The following PGBD5 variants were observed in gnomAD, a reference collection of about 807,000 sequenced individuals.
PGBD5 encodes the protein piggyBac transposable element-derived protein 5.
A neutral mutation model predicts 47.9 loss-of-function variants in PGBD5; 14 were observed. The ratio of observed to expected loss-of-function variants is 0.29; its 90% CI spans 0.19 to 0.46. The LOEUF (loss-of-function observed/expected upper bound fraction) is 0.46, where lower values mean the gene tolerates loss of function less well. PGBD5 is among the 20% of genes least tolerant of loss of function. The pLI is 1.00. For synonymous variants in PGBD5, 316 were observed against 306.3 expected (o/e 1.03, Z -0.33); for missense variants, 635 against 716.0 (o/e 0.89, Z 1.29).
At position 230,367,974 on chromosome 1, in the gene PGBD5, A is replaced by C. The variant is rs74143202; in HGVS notation, c.332-10653T>G. On this transcript the variant is annotated intron_variant, in intron 1 of 6. Coordinates refer to ENST00000391860, the MANE Select transcript of PGBD5 (RefSeq NM_001258311.2). Reference sequence around the variant, plus strand: ...ACACCAAGGAGCTCAAGGTCCTGCAAGCTGGACACCAAGGAGCTGGGGGTT... The same window carrying C: ...ACACCAAGGAGCTCAAGGTCCTGCACGCTGGACACCAAGGAGCTGGGGGTT... 0.016 allele frequency: 21,327 copies of C among 1,367,056 alleles called. 2,576 individuals are homozygous for C. The African/African-American group carries it at 0.27, about 17-fold the overall frequency. 84.7% of individuals were successfully genotyped at this position (1,367,056 alleles called of 1,614,324 possible). A position where few individuals can be genotyped will look rare whatever the true frequency, so the allele number is the denominator to read the frequency against.
intron 1 of PGBD5, among the ~76,000 whole-genome samples, chr1:230,421,425 C>G (rs1430146663): frequency 6.6e-6 from 1 of 152,166 alleles, no homozygotes; most frequent in Non-Finnish European, 1.5e-5. Context: ...TTGAGTCTGA[C>G]TAGTTAGATG....
intron 3 of PGBD5, among the ~76,000 whole-genome samples, chr1:230,347,376 G>T (rs1667490249): frequency 6.6e-6 from 1 of 152,142 alleles, no homozygotes; most frequent in Non-Finnish European, 1.5e-5. Context: ...AAGCCCAGCA[G>T]GCTGGGCGCC....
Position 230,383,009 on chromosome 1 carries a change from C to T in PGBD5, c.332-25688G>A, listed in dbSNP as rs75002551. ...TCCGGGCAATGGTTCTCTGCCATCT[C>T]GCTATTTATTTTCCCTGCCATCTCG... On this transcript the variant is annotated intron_variant, in intron 1 of 6. Transcript: ENST00000391860. Among the ~76,000 whole-genome samples, 280 of 152,240 alleles carry T rather than the reference C, an allele frequency of 1.8e-3. 3 individuals carry two copies. The East Asian group carries it at 0.045, about 24-fold the overall frequency.
intron 1 of PGBD5, among the ~76,000 whole-genome samples, chr1:230,371,106 G>C (rs828443): frequency 0.72 from 109,300 of 152,104 alleles, 39,704 homozygotes; most frequent in African/African-American, 0.75. Flanking sequence ...CTCAGCTCCC[G>C]AAGACTTCTG....
intron 3 of PGBD5, among the ~76,000 whole-genome samples, chr1:230,348,702 G>A (rs559997627): frequency 3.0e-4 from 46 of 152,336 alleles, no homozygotes; most frequent in Non-Finnish European, 2.6e-4. Context: ...GCTCCTCTAC[G>A]TCTCCTGGCC....
chr1:230,396,267 T>TTTTACCCCCACACTCTTCCC (rs1656966597), intron 1 of PGBD5, among the ~76,000 whole-genome samples: 1 of 5,446 alleles, frequency 1.8e-4, no homozygotes, highest in Non-Finnish European at 3.5e-4. Context: ...ACACTCCTCC[T>TTTTACCCCCACACTCTTCCC]TTTTACCCCC....
At chr1:230,391,581 A>G (rs575102363) in intron 1 of PGBD5, among the ~76,000 whole-genome samples, 2 of 152,232 alleles carry the variant, frequency 1.3e-5, no homozygotes, top group African/African-American at 4.8e-5. Context: ...TCCTCCTCAC[A>G]CCTTAAGACC....
intron 1 of PGBD5, among the ~76,000 whole-genome samples, chr1:230,411,892 A>G (rs1311031421): frequency 2.0e-5 from 3 of 152,350 alleles, no homozygotes; most frequent in African/African-American, 7.2e-5. Context: ...CTAAAAAGGC[A>G]TTTAATAAAA....
intron 1 of PGBD5, among the ~76,000 whole-genome samples, chr1:230,402,049 G>C (rs774847988): frequency 5.6e-4 from 85 of 152,188 alleles, no homozygotes; most frequent in Non-Finnish European, 1.1e-3. Flanking sequence ...TGACAGGGAG[G>C]GGGAGAGAAG....
At chr1:230,359,855 A>T (rs940617723) in intron 1 of PGBD5, among the ~76,000 whole-genome samples, 11 of 152,228 alleles carry the variant, frequency 7.2e-5, no homozygotes, top group African/African-American at 2.7e-4. Flanking sequence ...CTGGAGGGTA[A>T]AGTGGCACCA....
At chr1:230,368,198 AG>A in intron 1 of PGBD5, 1 of 1,332,192 alleles carries the variant, frequency 7.5e-7, no homozygotes, top group South Asian at 1.2e-5. Flanking sequence ...GATGGATAAA[AG>A]CTGAAAGCTG....
Position 230,325,308 on chromosome 1 carries a change from A to C in PGBD5, c.1379+2T>G. 6.2e-7 allele frequency: 1 copy of C among 1,609,770 alleles called. No homozygotes were observed. The highest frequency in any genetic ancestry group is 8.5e-7 in the Non-Finnish European group (1 of 1,177,442). On this transcript the variant is annotated splice_donor_variant, in intron 6 of 6. Coordinates refer to ENST00000391860, the MANE Select transcript of PGBD5 (RefSeq NM_001258311.2). LOFTEE classifies it high-confidence loss of function. ...CTGTCATGGAGGTGCCCAGCCACTT[A>C]CTTGCTGTATTTGTCATCGTATCTG...
At chr1:230,352,956 A>C (rs1667580643) in intron 2 of PGBD5, among the ~76,000 whole-genome samples, 1 of 152,200 alleles carries the variant, frequency 6.6e-6, no homozygotes, top group Admixed American at 6.5e-5. Context: ...CATTCTCTTC[A>C]GAAAGAAAGT....
intron 1 of PGBD5, among the ~76,000 whole-genome samples, chr1:230,409,800 C>T (rs181301135): frequency 2.6e-4 from 38 of 148,468 alleles, no homozygotes; most frequent in African/African-American, 9.4e-4. Flanking sequence ...AAAGCTGTTA[C>T]TAAAAAAATG....
intron 1 of PGBD5, among the ~76,000 whole-genome samples, chr1:230,386,941 T>C (rs1212601653): frequency 6.6e-6 from 1 of 152,132 alleles, no homozygotes; most frequent in African/African-American, 2.4e-5. Flanking sequence ...ATAAATAGCA[T>C]CGCTTGTGGA....
intron 1 of PGBD5, among the ~76,000 whole-genome samples, chr1:230,384,010 G>A (rs182210956): frequency 5.3e-5 from 8 of 150,902 alleles, no homozygotes; most frequent in Admixed American, 2.6e-4. Context: ...GAGAAACAGC[G>A]TGCTTGTCCC....
At chr1:230,350,875 G>C in intron 3 of PGBD5, 83 bp downstream of exon 3, 3 of 1,542,192 alleles carry the variant, frequency 1.9e-6, no homozygotes, top group Non-Finnish European at 2.6e-6. Context: ...ACAAGTTCTT[G>C]GGTATCAGAT....
Position 230,357,575 on chromosome 1 carries a change from C to T in PGBD5, c.332-254G>A, listed in dbSNP as rs576623690. ...GTGTGTGTGGGAGCGCAGCTCCTCC[C>T]AGACACCACAGGAACAAACAGCCCT... On this transcript the variant is annotated intron_variant, in intron 1 of 6. Coordinates refer to ENST00000391860, the MANE Select transcript of PGBD5 (RefSeq NM_001258311.2). The surrounding 1 kb of genome is among the most constrained non-coding windows in gnomAD (Gnocchi z 5.7). Among the ~76,000 whole-genome samples the T allele has an allele frequency of 3.9e-5, 6 of 152,330 alleles. No individual in the cohort carries two copies. The South Asian group carries it at 1.2e-3, about 32-fold the overall frequency.
At chr1:230,374,508 G>A (rs912626820) in intron 1 of PGBD5, among the ~76,000 whole-genome samples, 1 of 152,194 alleles carries the variant, frequency 6.6e-6, no homozygotes, top group African/African-American at 2.4e-5. Context: ...ACTTTGTCTT[G>A]CAAATCAGAA....
Sources: gnomAD v4.1 joint callset for allele counts (sites outside exome capture counted in the v4.1 genomes callset) on GRCh38, gnomAD v4.1.1 for gene constraint, Gnocchi (gnomAD v3.1) non-coding constraint, MANE v1.5 for transcripts, NCBI Gene and HGNC (gene_info 2026-07-23, HGNC 2026-07-21) for gene names.